QNG1: variants seen among roughly 807,000 people sequenced by gnomAD.
The protein encoded by QNG1 is Q-nucleotide N-glycosylase 1.
chr9:83,945,758 G>A, the QNG1 span, among the ~76,000 whole-genome samples: 1 of 148,670 alleles, frequency 6.7e-6, no homozygotes, highest in Non-Finnish European at 1.5e-5. Flanking sequence ...CCGTCACCAC[G>A]CCCGGCTAAT....
the QNG1 span, chr9:83,956,418 ACGC>A: frequency 1.9e-6 from 3 of 1,586,556 alleles, no homozygotes; most frequent in Middle Eastern, 1.7e-4. Flanking sequence ...CACCCTCCGT[ACGC>A]CTCCGCTGTC....
chr9:83,945,092 T>C, the QNG1 span: 4 of 930,264 alleles, frequency 4.3e-6, no homozygotes, highest in African/African-American at 1.7e-5. Context: ...GGCAGAATAA[T>C]CTTACTTTGT....
At chr9:83,956,548 G>A in the QNG1 span, 1 of 1,475,798 alleles carries the variant, frequency 6.8e-7, no homozygotes, top group South Asian at 1.4e-5. Context: ...CCCTAGGCGG[G>A]TCAAGGTCCA....
At chr9:83,948,763 C>T in the QNG1 span, among the ~76,000 whole-genome samples, 1 of 152,212 alleles carries the variant, frequency 6.6e-6, no homozygotes, top group Non-Finnish European at 1.5e-5. Flanking sequence ...AATTCTTCTG[C>T]CTTGGGATGC....
At chr9:83,955,543 T>A in the QNG1 span, 4 of 1,614,202 alleles carry the variant, frequency 2.5e-6, no homozygotes, top group Non-Finnish European at 2.5e-6. Context: ...GCCTCTCTTC[T>A]ACTAAAGGCA....
chr9:83,940,444 C>T, the QNG1 span, among the ~76,000 whole-genome samples: 1 of 152,132 alleles, frequency 6.6e-6, no homozygotes, highest in South Asian at 2.1e-4. Flanking sequence ...ACAGAACCAA[C>T]CGTATCTCCA....
chr9:83,944,508 T>C, the QNG1 span, among the ~76,000 whole-genome samples: 2 of 152,326 alleles, frequency 1.3e-5, no homozygotes, highest in East Asian at 3.9e-4. Context: ...CTATAACTGA[T>C]GAACTATCAG....
chr9:83,942,628 C>A, the QNG1 span, among the ~76,000 whole-genome samples: 7 of 152,208 alleles, frequency 4.6e-5, no homozygotes, highest in Non-Finnish European at 8.8e-5. Context: ...AATGAGTACA[C>A]TATACTTATG....
chr9:83,952,897 T>C, the QNG1 span, among the ~76,000 whole-genome samples: 1 of 146,478 alleles, frequency 6.8e-6, no homozygotes, highest in Non-Finnish European at 1.5e-5. Flanking sequence ...GAGGCGGAGG[T>C]TGCAGTGAGC....
At chr9:83,952,622 G>A in the QNG1 span, among the ~76,000 whole-genome samples, 2 of 151,906 alleles carry the variant, frequency 1.3e-5, no homozygotes, top group Admixed American at 6.6e-5. Flanking sequence ...GTGAAACCCT[G>A]TCTCTACTAA....
the QNG1 span, among the ~76,000 whole-genome samples, chr9:83,948,329 C>CCAGG: frequency 9.7e-6 from 1 of 102,792 alleles, no homozygotes; most frequent in African/African-American, 2.7e-5. Context: ...GCCGCCCCGT[C>CCAGG]TGGGAAGTGA....
At chr9:83,956,364 A>C in the QNG1 span, 8 of 1,609,914 alleles carry the variant, frequency 5.0e-6, 1 homozygote, top group South Asian at 8.8e-5. Context: ...CCACCCCTCC[A>C]CGCGCAGCTC....
the QNG1 span, chr9:83,938,925 T>G: frequency 3.9e-5 from 6 of 153,064 alleles, no homozygotes; most frequent in African/African-American, 1.5e-4. Flanking sequence ...ATTTTTAAAT[T>G]TTTGTAGAGA....
the QNG1 span, chr9:83,956,463 A>T: frequency 5.9e-6 from 9 of 1,530,180 alleles, no homozygotes; most frequent in East Asian, 1.8e-4. Context: ...TTCTGCAATG[A>T]ATTTAGAGGA....
At chr9:83,955,470 A>C in the QNG1 span, 33 of 1,614,064 alleles carry the variant, frequency 2.0e-5, no homozygotes, top group Non-Finnish European at 2.7e-5. Flanking sequence ...TCTCGGACGC[A>C]GTTGAGAAAA....
chr9:83,949,368 G>A, the QNG1 span, among the ~76,000 whole-genome samples: 1 of 152,214 alleles, frequency 6.6e-6, no homozygotes, highest in Non-Finnish European at 1.5e-5. Flanking sequence ...ACATGGCTGG[G>A]TGCAGTGGCT....
chr9:83,956,153 A>T, the QNG1 span: 2 of 1,607,012 alleles, frequency 1.2e-6, no homozygotes, highest in South Asian at 2.2e-5. Flanking sequence ...GATGGCAAGT[A>T]TGGCACCAAC....
the QNG1 span, among the ~76,000 whole-genome samples, chr9:83,947,025 C>G: frequency 6.6e-6 from 1 of 151,906 alleles, no homozygotes; most frequent in Non-Finnish European, 1.5e-5. Flanking sequence ...GAGCTGTGAT[C>G]ACATCACTAA....
At chr9:83,939,669 G>A in the QNG1 span, 16 of 1,613,964 alleles carry the variant, frequency 9.9e-6, no homozygotes, top group South Asian at 4.4e-5. Context: ...AGACAATCCC[G>A]GATCAGCTCA....
Sources: allele counts gnomAD v4.1 joint callset (sites outside exome capture counted in the v4.1 genomes callset), GRCh38; gene constraint gnomAD v4.1.1; transcripts MANE v1.5; gene names NCBI Gene and HGNC (gene_info 2026-07-23, HGNC 2026-07-21).